The following GRAMD1C variants were observed in gnomAD, a reference collection of about 807,000 sequenced individuals.
GRAMD1C encodes GRAM domain containing 1C.
GRAMD1C carries 89 observed loss-of-function variants against 97.8 expected under a neutral mutation model. That is an observed-to-expected ratio of 0.91 (90% CI 0.77 to 1.09). The LOEUF is 1.09. Among genes scored for constraint, GRAMD1C ranks in the 50% least tolerant of loss-of-function variants. The pLI is 0.00. For synonymous variants in GRAMD1C, 256 were observed against 267.0 expected (o/e 0.96, Z 0.40); for missense variants, 740 against 766.4 (o/e 0.97, Z 0.41).
At chr3:113,915,416 A>C (rs1356176852) in intron 9 of GRAMD1C, among the ~76,000 whole-genome samples, 1 of 152,178 alleles carries the variant, frequency 6.6e-6, no homozygotes, top group Non-Finnish European at 1.5e-5. Context: ...ATACCATTCA[A>C]GTGAAATATT....
intron 1 of GRAMD1C, among the ~76,000 whole-genome samples, chr3:113,832,580 G>A (rs1709573545): frequency 6.6e-6 from 1 of 152,050 alleles, no homozygotes; most frequent in African/African-American, 2.4e-5. Flanking sequence ...CTTTGAACCA[G>A]TTAAATAAAG....
intron 10 of GRAMD1C, among the ~76,000 whole-genome samples, chr3:113,925,467 G>A (rs1937199616): frequency 1.7e-5 from 2 of 115,452 alleles, no homozygotes; most frequent in Non-Finnish European, 3.5e-5. Flanking sequence ...GCAAGACTGT[G>A]TCTCAAAAAA....
chr3:113,846,137 G>A (rs1008050568), intron 2 of GRAMD1C, among the ~76,000 whole-genome samples: 5 of 148,538 alleles, frequency 3.4e-5, no homozygotes, highest in African/African-American at 7.6e-5. Flanking sequence ...GCAGAGTTTC[G>A]CTCTTGTCAC....
intron 1 of GRAMD1C, among the ~76,000 whole-genome samples, chr3:113,830,683 TG>T: frequency 6.6e-6 from 1 of 152,368 alleles, no homozygotes; most frequent in South Asian, 2.1e-4. Flanking sequence ...TATAATCTTA[TG>T]GGACCACTGT....
intron 2 of GRAMD1C, among the ~76,000 whole-genome samples, chr3:113,851,177 C>T (rs973700378): frequency 5.3e-5 from 8 of 152,106 alleles, no homozygotes; most frequent in African/African-American, 1.2e-4. Flanking sequence ...TTCTGAAATG[C>T]GTAACTAAAA....
chr3:113,882,794 A>T lies in GRAMD1C; in HGVS notation c.502A>T (p.Ser168Cys), dbSNP rs773542780. The change falls in exon 6 of 18, where the codon AGT (serine) becomes TGT (cysteine). Residue 168 changes from serine to cysteine, a missense_variant. By Grantham distance (112) the Ser-to-Cys change is moderately radical. Coordinates refer to ENST00000358160, the MANE Select transcript of GRAMD1C (RefSeq NM_017577.5). ...SFGARDRSYL[S>C]IFRLWQNVLL... ...TGGTGCCAGGGATAGAAGTTACCTC[A>T]GTATCTTTAGGTTGTGGCAGAATGT... is the stretch of plus-strand genomic sequence containing the variant. The T allele has an allele frequency of 1.3e-6, 2 of 1,597,326 alleles. No homozygotes were observed. Among genetic ancestry groups the T allele is most frequent in the Non-Finnish European group, 1.7e-6 (2 of 1,165,172 alleles).
intron 5 of GRAMD1C, among the ~76,000 whole-genome samples, chr3:113,881,349 G>C (rs1935254570): frequency 6.6e-6 from 1 of 152,060 alleles, no homozygotes; most frequent in African/African-American, 2.4e-5. Context: ...GTAGAGATCG[G>C]GTATCACCAT....
At chr3:113,941,670 G>A (rs1387281097) in intron 17 of GRAMD1C, among the ~76,000 whole-genome samples, 1 of 149,372 alleles carries the variant, frequency 6.7e-6, no homozygotes, top group African/African-American at 2.5e-5. Flanking sequence ...CCAGTCTGGA[G>A]TGCAGTGGCA....
At chr3:113,921,133 A>G (rs867674846) in intron 10 of GRAMD1C, among the ~76,000 whole-genome samples, 1 of 152,098 alleles carries the variant, frequency 6.6e-6, no homozygotes, top group South Asian at 2.1e-4. Context: ...CTCAATGTTT[A>G]TCTCCCACTT....
chr3:113,851,875 A>C (rs1424120052), intron 2 of GRAMD1C, among the ~76,000 whole-genome samples: 4 of 143,746 alleles, frequency 2.8e-5, no homozygotes, highest in Non-Finnish European at 6.1e-5. Context: ...TTATTTATTT[A>C]TTTATTTATT....
rs1054162031 is a variant in GRAMD1C at position 113,933,403 on chromosome 3, G to GT, written c.1210-102dup. 1.1e-5 allele frequency: 8 copies of GT among 749,246 alleles called. No individual in the cohort carries two copies. The Admixed American group carries it at 1.2e-4, about 11-fold the overall frequency. The allele number at this position is 749,246 out of a possible 1,614,324, so 46.4% of individuals were successfully genotyped here. A position where few individuals can be genotyped will look rare whatever the true frequency, so the allele number is the denominator to read the frequency against. ...TTAGCTTTGTATATAGGTTTCTCAT[G>GT]TTTTTTGTAATTTTTGAGAAGGAAT... On this transcript the variant is annotated intron_variant, in intron 11 of 17. Transcript: ENST00000358160.
intron 1 of GRAMD1C, among the ~76,000 whole-genome samples, chr3:113,841,481 G>T (rs576673066): frequency 9.2e-5 from 14 of 151,386 alleles, no homozygotes; most frequent in Non-Finnish European, 2.1e-4. Flanking sequence ...GTTGAGATGG[G>T]GTTTTACCAT....
chr3:113,928,872 A>G (rs1484268354), intron 10 of GRAMD1C, among the ~76,000 whole-genome samples: 8 of 152,206 alleles, frequency 5.3e-5, no homozygotes, highest in African/African-American at 9.7e-5. Context: ...CCGTTCATCC[A>G]TTAATGACAT....
At chr3:113,922,569 G>A (rs541507402) in intron 10 of GRAMD1C, among the ~76,000 whole-genome samples, 12 of 152,102 alleles carry the variant, frequency 7.9e-5, no homozygotes, top group African/African-American at 2.9e-4. Context: ...CAACTTTGTC[G>A]AAGACCAGAT....
chr3:113,923,472 CA>C (rs1418561200), intron 10 of GRAMD1C, among the ~76,000 whole-genome samples: 1 of 152,144 alleles, frequency 6.6e-6, no homozygotes, highest in East Asian at 1.9e-4. Flanking sequence ...GGGTTTTTAA[CA>C]TGAACAGATG....
chr3:113,930,996 G>A (rs75369430), intron 11 of GRAMD1C, among the ~76,000 whole-genome samples, 164 bp downstream of exon 11: 2,408 of 152,280 alleles, frequency 0.016, 63 homozygotes, highest in African/African-American at 0.056. Flanking sequence ...CATATGAATC[G>A]TATCAACCCA....
chr3:113,871,882 A>G (rs933900986), intron 3 of GRAMD1C, among the ~76,000 whole-genome samples: 1 of 152,124 alleles, frequency 6.6e-6, no homozygotes, highest in African/African-American at 2.4e-5. Context: ...TGGAGGTTGC[A>G]GTAAGGAGAG....
At chr3:113,942,618 A>AGGAT (rs1286597525) in intron 17 of GRAMD1C, among the ~76,000 whole-genome samples, 1 of 152,210 alleles carries the variant, frequency 6.6e-6, no homozygotes, top group Non-Finnish European at 1.5e-5. Context: ...AAAGGCAGAA[A>AGGAT]GGATGGTCCC....
intron 1 of GRAMD1C, among the ~76,000 whole-genome samples, chr3:113,841,732 C>T (rs1342125686): frequency 6.6e-6 from 1 of 152,186 alleles, no homozygotes; most frequent in African/African-American, 2.4e-5. Flanking sequence ...GAGTCTTGCT[C>T]TGTCACCTGG....
Sources: allele counts gnomAD v4.1 joint callset (sites outside exome capture counted in the v4.1 genomes callset), GRCh38; gene constraint gnomAD v4.1.1; transcripts MANE v1.5; gene names NCBI Gene and HGNC (gene_info 2026-07-23, HGNC 2026-07-21).